Variants in PRSS48 observed in about 807,000 individuals in gnomAD.
PRSS48 encodes serine protease 48.
A neutral mutation model predicts 25.6 loss-of-function variants in PRSS48; 21 were observed. That is an observed-to-expected ratio of 0.82 (90% CI 0.58 to 1.18). The LOEUF (loss-of-function observed/expected upper bound fraction) is 1.18, where lower values mean the gene tolerates loss of function less well. Among genes scored for constraint, PRSS48 ranks in the 50% most tolerant of loss-of-function variants. PRSS48 has a pLI of 0.00. For missense variants in PRSS48, 373 were observed against 399.3 expected, an observed-to-expected ratio of 0.93 and a Z score of 0.56; for synonymous variants, 150 against 149.3, an observed-to-expected ratio of 1.00 and a Z score of -0.04.
intron 4 of PRSS48, among the ~76,000 whole-genome samples, chr4:151,286,857 G>A (rs1774839479): frequency 6.6e-6 from 1 of 151,770 alleles, no homozygotes; most frequent in Admixed American, 6.6e-5. Context: ...GCATGTGCCT[G>A]TATTCCCAGC....
intron 4 of PRSS48, among the ~76,000 whole-genome samples, chr4:151,288,326 G>A (rs973711059): frequency 3.0e-4 from 45 of 152,268 alleles, no homozygotes; most frequent in African/African-American, 1.1e-3. Flanking sequence ...CAAAGAAACA[G>A]TAAAACTATC....
intron 4 of PRSS48, among the ~76,000 whole-genome samples, chr4:151,289,358 A>T (rs1775111210): frequency 6.6e-6 from 1 of 152,242 alleles, no homozygotes; most frequent in Non-Finnish European, 1.5e-5. Context: ...AAGCATAAGC[A>T]GCAACAAAAA....
chr4:151,278,779 C>T (rs1773895104), intron 1 of PRSS48, among the ~76,000 whole-genome samples: 1 of 152,166 alleles, frequency 6.6e-6, no homozygotes, highest in Non-Finnish European at 1.5e-5. Context: ...TACAGGCATG[C>T]ACCATCATGT....
intron 3 of PRSS48, among the ~76,000 whole-genome samples, chr4:151,282,880 CATT>C (rs1774386259): frequency 6.6e-6 from 1 of 151,990 alleles, no homozygotes; most frequent in Non-Finnish European, 1.5e-5. Flanking sequence ...CGGAAGTACT[CATT>C]ATTTAGAACA....
At chr4:151,280,023 A>G in intron 2 of PRSS48, 65 bp downstream of exon 2, 1 of 995,960 alleles carries the variant, frequency 1.0e-6, no homozygotes, top group Non-Finnish European at 1.4e-6. Flanking sequence ...CACTTCATGA[A>G]TGAACCAAAA....
intron 4 of PRSS48, among the ~76,000 whole-genome samples, chr4:151,289,124 G>A (rs1245605394): frequency 1.3e-5 from 2 of 152,164 alleles, no homozygotes; most frequent in African/African-American, 4.8e-5. Flanking sequence ...TATTGAATCA[G>A]TTCAATGAAC....
Position 151,291,101 on chromosome 4 carries a change from T to A in PRSS48, c.652-17T>A. The A allele has an allele frequency of 6.3e-7, 1 of 1,584,084 alleles. No individual in the cohort carries two copies. Among genetic ancestry groups the A allele is most frequent in the Admixed American group, 1.7e-5 (1 of 59,098 alleles). On this transcript the variant is annotated splice_polypyrimidine_tract_variant and intron_variant, in intron 4 of 4. Transcript: ENST00000455694. Reference sequence around the variant, plus strand: ...GCCTCTTTTCACTATGCTCATTACCTTTCATTTCTTCCTTAGGGTGATTCT... The same window carrying A: ...GCCTCTTTTCACTATGCTCATTACCATTCATTTCTTCCTTAGGGTGATTCT...
In PRSS48 at chr4:151,277,990, G is replaced by A. The variant is rs144551956; in HGVS notation, c.52+766G>A. Among the ~76,000 whole-genome samples, 32 of 152,216 alleles carry A rather than the reference G, an allele frequency of 2.1e-4. No individual in the cohort carries two copies. The East Asian group carries it at 3.9e-3, about 18-fold the overall frequency. ...TGGAAAGTGGAGGTTGCAGTAAGCCGAGATAGCGCCACTGCACTCCAGCCT... is the reference window on the plus strand; with the variant it reads ...TGGAAAGTGGAGGTTGCAGTAAGCCAAGATAGCGCCACTGCACTCCAGCCT... On this transcript the variant is annotated intron_variant, in intron 1 of 4. Transcript: ENST00000455694.
intron 4 of PRSS48, among the ~76,000 whole-genome samples, chr4:151,286,002 C>T (rs1274627517): frequency 6.7e-6 from 1 of 149,792 alleles, no homozygotes; most frequent in Admixed American, 6.7e-5. Context: ...TCGAGACCAG[C>T]CTGAGCAATA....
At chr4:151,284,518 T>C (rs1415917041) in intron 4 of PRSS48, among the ~76,000 whole-genome samples, 4 of 152,250 alleles carry the variant, frequency 2.6e-5, no homozygotes, top group Non-Finnish European at 5.9e-5. Flanking sequence ...ACAGTTATAA[T>C]AGTTGCTTTA....
chr4:151,286,899 G>T (rs571553256), intron 4 of PRSS48, among the ~76,000 whole-genome samples: 8 of 151,658 alleles, frequency 5.3e-5, no homozygotes, highest in Non-Finnish European at 1.2e-4. Context: ...AGAATCACTT[G>T]AATCTGGGAG....
chr4:151,291,350 T>C, exon 5 of PRSS48: 2 of 1,613,990 alleles, frequency 1.2e-6, no homozygotes, highest in Non-Finnish European at 1.7e-6. Context: ...TCCTGTGCCT[T>C]TGGACCTAAC....
At chr4:151,280,726 G>C (rs1774135256) in intron 2 of PRSS48, among the ~76,000 whole-genome samples, 1 of 151,942 alleles carries the variant, frequency 6.6e-6, no homozygotes, top group South Asian at 2.1e-4. Context: ...AGGAGTTCAA[G>C]GCTGCAGTGA....
At chr4:151,278,486 G>C (rs1173439654) in intron 1 of PRSS48, among the ~76,000 whole-genome samples, 1 of 151,756 alleles carries the variant, frequency 6.6e-6, no homozygotes, top group African/African-American at 2.4e-5. Flanking sequence ...TTTAGGAAGT[G>C]ATTTGTGAAA....
chr4:151,282,840 T>C (rs1469202453), intron 3 of PRSS48, among the ~76,000 whole-genome samples: 1 of 152,176 alleles, frequency 6.6e-6, no homozygotes, highest in Non-Finnish European at 1.5e-5. Context: ...TCCTTTAGAA[T>C]AGTCATACCT....
intron 1 of PRSS48, among the ~76,000 whole-genome samples, chr4:151,278,814 G>C (rs1325217372): frequency 5.3e-5 from 8 of 152,056 alleles, no homozygotes. Flanking sequence ...TATATTTTTT[G>C]TAGAGACGGT....
chr4:151,291,064 TC>T, intron 4 of PRSS48, 53 bp from the exon 5 acceptor site: 1 of 1,382,250 alleles, frequency 7.2e-7, no homozygotes. Context: ...TTATTACTAC[TC>T]TCTTCTTTAT....
chr4:151,286,936 C>T (rs900749767), intron 4 of PRSS48, among the ~76,000 whole-genome samples: 5 of 150,946 alleles, frequency 3.3e-5, no homozygotes, highest in African/African-American at 9.7e-5. Flanking sequence ...GCCGAGATCG[C>T]GCCACTGCAC....
chr4:151,281,041 C>T (rs55855806), intron 2 of PRSS48, among the ~76,000 whole-genome samples: 52,666 of 151,850 alleles, frequency 0.35, 10,306 homozygotes, highest in Non-Finnish European at 0.46. Context: ...ACACAGGATC[C>T]AGACAAAAGG....
Sources: gnomAD v4.1 joint callset for allele counts (sites outside exome capture counted in the v4.1 genomes callset) on GRCh38, gnomAD v4.1.1 for gene constraint, MANE v1.5 for transcripts, NCBI Gene and HGNC (gene_info 2026-07-23, HGNC 2026-07-21) for gene names.